ZSWIM6: variants seen among roughly 807,000 people sequenced by gnomAD.
ZSWIM6 encodes the protein zinc finger SWIM-type containing 6, also known as zinc finger SWIM domain-containing protein 6.
In ZSWIM6, 9 loss-of-function variants were observed where a neutral mutation model predicts 113.2. The ratio of observed to expected loss-of-function variants is 0.08; its 90% CI spans 0.05 to 0.14. The LOEUF (loss-of-function observed/expected upper bound fraction) is 0.14, where lower values mean the gene tolerates loss of function less well. ZSWIM6 is among the 10% of genes least tolerant of loss of function. ZSWIM6 has a pLI of 1.00. For missense variants in ZSWIM6, 1,162 were observed against 1,552.2 expected, an observed-to-expected ratio of 0.75 and a Z score of 4.22; for synonymous variants, 611 against 606.5, an observed-to-expected ratio of 1.01 and a Z score of -0.11.
chr5:61,474,247 T>C (rs2112186890), intron 2 of ZSWIM6, among the ~76,000 whole-genome samples: 1 of 152,254 alleles, frequency 6.6e-6, no homozygotes, highest in East Asian at 1.9e-4. Flanking sequence ...TAATACAGTA[T>C]GATTCTTGTA....
intron 1 of ZSWIM6, among the ~76,000 whole-genome samples, chr5:61,469,753 G>A (rs1747522701): frequency 6.6e-6 from 1 of 152,010 alleles, no homozygotes; most frequent in Admixed American, 6.6e-5. Flanking sequence ...AGGCTGGAGT[G>A]CAGTGGTGCA....
At chr5:61,450,760 A>G (rs1036550394) in intron 1 of ZSWIM6, among the ~76,000 whole-genome samples, 2 of 152,178 alleles carry the variant, frequency 1.3e-5, no homozygotes, top group Admixed American at 6.5e-5. Context: ...ATAATAAACA[A>G]TGATTTATGA....
chr5:61,509,304 G>C (rs1039803095), intron 4 of ZSWIM6, among the ~76,000 whole-genome samples: 1 of 59,690 alleles, frequency 1.7e-5, no homozygotes, highest in Non-Finnish European at 3.8e-5. Context: ...AATAAGTTCT[G>C]ATAACTTTTA....
At chr5:61,333,184 G>T (rs970030375) in intron 1 of ZSWIM6, among the ~76,000 whole-genome samples, 1 of 151,904 alleles carries the variant, frequency 6.6e-6, no homozygotes, top group African/African-American at 2.4e-5. Flanking sequence ...AGCAGGACGC[G>T]CCCCTCCGTG....
intron 1 of ZSWIM6, among the ~76,000 whole-genome samples, chr5:61,450,584 G>C (rs1747065396): frequency 6.6e-6 from 1 of 152,122 alleles, no homozygotes; most frequent in African/African-American, 2.4e-5. Flanking sequence ...GTAGCCACTG[G>C]TGGGGATTTT....
chr5:61,523,159 G>A (rs544597491), intron 5 of ZSWIM6, among the ~76,000 whole-genome samples: 7 of 152,296 alleles, frequency 4.6e-5, no homozygotes, highest in African/African-American at 1.2e-4. Flanking sequence ...CTACAGAGGA[G>A]GTCTGGTGTT....
chr5:61,517,738 A>C (rs1279159467), intron 4 of ZSWIM6, among the ~76,000 whole-genome samples: 1 of 151,544 alleles, frequency 6.6e-6, no homozygotes, highest in Non-Finnish European at 1.5e-5. Context: ...GGATTGTTTA[A>C]AGAATTGAAA....
chr5:61,458,423 TC>T (rs1747254471), intron 1 of ZSWIM6, among the ~76,000 whole-genome samples: 1 of 152,108 alleles, frequency 6.6e-6, no homozygotes, highest in South Asian at 2.1e-4. Flanking sequence ...ATAACAGAGA[TC>T]CTAAACTTTG....
chr5:61,375,210 T>G, intron 1 of ZSWIM6: 1 of 1,613,274 alleles, frequency 6.2e-7, no homozygotes. Flanking sequence ...TACAGGATTA[T>G]CTGAATCGAC....
chr5:61,433,085 A>G (rs1314722888), intron 1 of ZSWIM6, among the ~76,000 whole-genome samples: 1 of 152,242 alleles, frequency 6.6e-6, no homozygotes, highest in Non-Finnish European at 1.5e-5. Context: ...ATGCAAATAA[A>G]TGGAAAATAT....
At position 61,341,510 on chromosome 5, in the gene ZSWIM6, G is replaced by T. The variant is rs544977416; in HGVS notation, c.676+8562G>T. Among the ~76,000 whole-genome samples the T allele has an allele frequency of 1.2e-4, 19 of 152,238 alleles. No individual in the cohort carries two copies. The East Asian group carries it at 3.7e-3, about 29-fold the overall frequency. On this transcript the variant is annotated intron_variant, in intron 1 of 13. Transcript: ENST00000252744. ...ATGTCAATTAGCCTATGATAAATTG[G>T]TTTTGTAATATGTCATTTTGATTAC...
chr5:61,410,799 A>G (rs375410357), intron 1 of ZSWIM6, among the ~76,000 whole-genome samples: 10 of 152,224 alleles, frequency 6.6e-5, no homozygotes, highest in African/African-American at 2.4e-4. Context: ...AATATTTGAC[A>G]GATTGAACAT....
At chr5:61,509,715 A>G (rs1748728221) in intron 4 of ZSWIM6, among the ~76,000 whole-genome samples, 1 of 152,216 alleles carries the variant, frequency 6.6e-6, no homozygotes. Context: ...CCAAGGGAAA[A>G]GGAGAAATTG....
At chr5:61,488,552 T>C (rs1306819212) in intron 2 of ZSWIM6, among the ~76,000 whole-genome samples, 1 of 152,046 alleles carries the variant, frequency 6.6e-6, no homozygotes, top group Non-Finnish European at 1.5e-5. Context: ...ACTGGTCTGC[T>C]CAGGCTTTTC....
intron 1 of ZSWIM6, chr5:61,391,333 A>G: frequency 1.2e-6 from 1 of 823,744 alleles, no homozygotes; most frequent in South Asian, 1.3e-5. Context: ...GATCTCCATC[A>G]GGTGGGCCTT....
intron 7 of ZSWIM6, among the ~76,000 whole-genome samples, chr5:61,528,159 T>C (rs1394936453): frequency 6.6e-6 from 1 of 152,178 alleles, no homozygotes; most frequent in African/African-American, 2.4e-5. Context: ...CTGTTACAAG[T>C]CTAAAGTACC....
At position 61,332,523 on chromosome 5, in the gene ZSWIM6, G is replaced by T; in HGVS notation, c.251G>T (p.Arg84Met). The stretch of plus-strand genomic sequence containing the variant: ...TCGCTGCTGGACATCGCGGCGCGCA[G>T]GGTGGCGGAGAAGTGGCCGTTCCAG... Reference protein sequence around the residue: ...PESLLDIAARRVAEKWPFQRV... With the variant: ...PESLLDIAARMVAEKWPFQRV... The change falls in exon 1 of 14, where the codon AGG becomes ATG. Residue 84 changes from arginine (R) to methionine (M), a missense_variant. Physicochemically the swap from Arg to Met is moderately conservative, Grantham distance 91 (BLOSUM62 -1). Coordinates refer to ENST00000252744, the MANE Select transcript of ZSWIM6 (RefSeq NM_020928.2). The T allele has an allele frequency of 1.5e-6, 2 of 1,332,922 alleles. No homozygotes were observed. Among genetic ancestry groups the T allele is most frequent in the Non-Finnish European group, 2.0e-6 (2 of 1,013,396 alleles). The allele number at this position is 1,332,922 out of a possible 1,614,324, so 82.6% of individuals were successfully genotyped here.
At chr5:61,473,583 G>A (rs1159155594) in intron 2 of ZSWIM6, among the ~76,000 whole-genome samples, 3 of 151,932 alleles carry the variant, frequency 2.0e-5, no homozygotes, top group Admixed American at 6.6e-5. Context: ...ATTTGTGAAC[G>A]TATTTATCGA....
chr5:61,370,737 T>C (rs1745246390), intron 1 of ZSWIM6, among the ~76,000 whole-genome samples: 1 of 152,248 alleles, frequency 6.6e-6, no homozygotes, highest in South Asian at 2.1e-4. Context: ...TATGGCACTT[T>C]CTATGTATTG....
Sources: allele counts gnomAD v4.1 joint callset (sites outside exome capture counted in the v4.1 genomes callset), GRCh38; gene constraint gnomAD v4.1.1; transcripts MANE v1.5; gene names NCBI Gene and HGNC (gene_info 2026-07-23, HGNC 2026-07-21).